The following TRPS1 variants were observed in gnomAD, a reference collection of about 807,000 sequenced individuals.
TRPS1 encodes zinc finger transcription factor Trps1.
In TRPS1, 6 loss-of-function variants were observed where a neutral mutation model predicts 101.2. That is an observed-to-expected ratio of 0.06 (90% CI 0.03 to 0.12). TRPS1 has a LOEUF of 0.12. Ranked by LOEUF, TRPS1 falls within the 10% of genes least tolerant of loss-of-function variation. The probability of loss-of-function intolerance (pLI) is 1.00; values close to 1 mark genes in which losing one functional copy is unlikely to be tolerated. For synonymous variants in TRPS1, 578 were observed against 589.8 expected (o/e 0.98, Z 0.29); for missense variants, 1,363 against 1,567.0 (o/e 0.87, Z 2.20).
chr8:115,508,957 T>C (rs912013691), intron 5 of TRPS1, among the ~76,000 whole-genome samples: 4 of 152,010 alleles, frequency 2.6e-5, no homozygotes, highest in African/African-American at 4.8e-5. Context: ...CTAAAATGTT[T>C]TGAATTGTGA....
intron 1 of TRPS1, among the ~76,000 whole-genome samples, chr8:115,626,410 A>G (rs74335301): frequency 0.011 from 1,740 of 151,932 alleles, 21 homozygotes; most frequent in Middle Eastern, 0.024. Context: ...AGAATCACTG[A>G]AGGAGTTTAG....
At chr8:115,441,853 T>A (rs1271564890) in intron 5 of TRPS1, among the ~76,000 whole-genome samples, 1 of 151,126 alleles carries the variant, frequency 6.6e-6, no homozygotes, top group Non-Finnish European at 1.5e-5. Context: ...ATGATAGGTC[T>A]CCCAATTGAG....
Position 115,418,249 on chromosome 8 carries a change from G to C in TRPS1, c.2823+81C>G. Reference sequence around the variant, plus strand: ...CTGCGGGGGCAGGCACTGCAAGCCAGGGAATGGGACTTATCACACCACAGA... The same window carrying C: ...CTGCGGGGGCAGGCACTGCAAGCCACGGAATGGGACTTATCACACCACAGA... On this transcript the variant is annotated intron_variant, in intron 6 of 6. Transcript: ENST00000395715. The surrounding 1 kb of genome is among the most constrained non-coding windows in gnomAD (Gnocchi z 4.3). 2 of 1,611,894 alleles carry C rather than the reference G, an allele frequency of 1.2e-6. No homozygotes were observed. Among genetic ancestry groups the C allele is most frequent in the Non-Finnish European group, 8.5e-7 (1 of 1,178,656 alleles).
At position 115,564,272 on chromosome 8, in the gene TRPS1, T is replaced by C. The variant is rs374206736; in HGVS notation, c.2700+22729A>G. Among the ~76,000 whole-genome samples, 34 of 152,284 alleles carry C rather than the reference T, an allele frequency of 2.2e-4. No homozygotes were observed. The East Asian group carries it at 3.3e-3, about 15-fold the overall frequency. On this transcript the variant is annotated intron_variant, in intron 5 of 6. Coordinates refer to ENST00000395715, the MANE Select transcript of TRPS1 (RefSeq NM_014112.5). The stretch of plus-strand genomic sequence containing the variant: ...TCAATTGTACACATTGGAAAAGATG[T>C]GCCGTAGCTTTCACAGGGTATTTTT...
chr8:115,469,914 A>G (rs1462702463), intron 5 of TRPS1, among the ~76,000 whole-genome samples: 1 of 152,214 alleles, frequency 6.6e-6, no homozygotes, highest in Non-Finnish European at 1.5e-5. Flanking sequence ...TGTCTGGAAA[A>G]GTAAATCTCT....
At chr8:115,458,237 CA>C (rs1449335984) in intron 5 of TRPS1, among the ~76,000 whole-genome samples, 4 of 151,984 alleles carry the variant, frequency 2.6e-5, no homozygotes, top group Admixed American at 2.6e-4. Context: ...ATGGTGTTCC[CA>C]AAATAGAGGC....
At chr8:115,419,287 A>G (rs997953532) in intron 5 of TRPS1, among the ~76,000 whole-genome samples, 3 of 152,082 alleles carry the variant, frequency 2.0e-5, no homozygotes, top group African/African-American at 7.2e-5. Flanking sequence ...TCAAGTAATG[A>G]TTCCATTAAA....
intron 5 of TRPS1, among the ~76,000 whole-genome samples, chr8:115,524,004 T>G (rs1435078983): frequency 6.6e-6 from 1 of 152,158 alleles, no homozygotes; most frequent in Non-Finnish European, 1.5e-5. Flanking sequence ...TTCACAACAA[T>G]TTTACAAACA....
intron 5 of TRPS1, among the ~76,000 whole-genome samples, chr8:115,470,682 T>C (rs1051751698): frequency 4.6e-5 from 7 of 152,142 alleles, no homozygotes; most frequent in African/African-American, 1.4e-4. Flanking sequence ...GTATATAATA[T>C]TTAAGAACAA....
chr8:115,590,065 C>T (rs1025897405), intron 4 of TRPS1, among the ~76,000 whole-genome samples: 7 of 152,112 alleles, frequency 4.6e-5, no homozygotes, highest in East Asian at 1.9e-4. Flanking sequence ...TGCAGTGAGC[C>T]GAGATCACGA....
chr8:115,496,922 T>G (rs1160079377), intron 5 of TRPS1, among the ~76,000 whole-genome samples: 1 of 152,198 alleles, frequency 6.6e-6, no homozygotes, highest in East Asian at 1.9e-4. Flanking sequence ...ACCCCAAGTT[T>G]TGCAGCTTAA....
At chr8:115,508,244 T>C (rs1276315286) in intron 5 of TRPS1, among the ~76,000 whole-genome samples, 2 of 152,054 alleles carry the variant, frequency 1.3e-5, no homozygotes, top group East Asian at 3.9e-4. Context: ...ATATCACAAA[T>C]ATAATGGAAT....
At chr8:115,544,901 T>C (rs1456997980) in intron 5 of TRPS1, among the ~76,000 whole-genome samples, 1 of 151,940 alleles carries the variant, frequency 6.6e-6, no homozygotes, top group Non-Finnish European at 1.5e-5. Context: ...AAGCAAGATA[T>C]AACTTTTTTT....
rs540606959 is a variant in TRPS1, at chr8:115,552,427, T to C, written c.2700+34574A>G. On this transcript the variant is annotated intron_variant, in intron 5 of 6. Coordinates refer to ENST00000395715, the MANE Select transcript of TRPS1 (RefSeq NM_014112.5). ...GATCTGTTGTTTACTCCTACCACTT[T>C]ATCCCTTCACATCATGAAAAAGCAA... Among the ~76,000 whole-genome samples the C allele has an allele frequency of 1.1e-4, 16 of 152,292 alleles. 1 individual carries two copies. The South Asian group carries it at 3.3e-3, about 32-fold the overall frequency.
intron 5 of TRPS1, among the ~76,000 whole-genome samples, chr8:115,507,996 C>T (rs1815489539): frequency 6.6e-6 from 1 of 151,916 alleles, no homozygotes. Flanking sequence ...GAAAAAAATG[C>T]TAACAACTTG....
At chr8:115,527,713 C>A (rs1237657434) in intron 5 of TRPS1, among the ~76,000 whole-genome samples, 1 of 151,938 alleles carries the variant, frequency 6.6e-6, no homozygotes, top group East Asian at 1.9e-4. Context: ...TAAAAAAGTA[C>A]AGTTAATAGA....
chr8:115,628,202 G>A (rs902962457), intron 1 of TRPS1, among the ~76,000 whole-genome samples: 3 of 151,762 alleles, frequency 2.0e-5, no homozygotes, highest in Non-Finnish European at 4.4e-5. Context: ...CTCTACCACA[G>A]GGAGCAGTTT....
chr8:115,619,166 C>A lies in TRPS1; in HGVS notation c.932G>T (p.Arg311Met). Residue 311 changes from arginine (R) to methionine (M), a missense_variant, in exon 3 of 7, where the codon AGG becomes ATG. Transcript: ENST00000395715. ...ATAGGTCCCATTTAGTAAAACAGGC[C>A]TTGAAGAATTGATGTCCTGCAGCAC... ...SGVLQDINSS[R>M]PVLLNGTYDV... 5 of 1,614,096 alleles carry A rather than the reference C, an allele frequency of 3.1e-6. No individual in the cohort carries two copies. The highest frequency in any genetic ancestry group is 4.2e-6 in the Non-Finnish European group (5 of 1,180,012).
intron 5 of TRPS1, among the ~76,000 whole-genome samples, chr8:115,477,402 G>C (rs1814634116): frequency 6.6e-6 from 1 of 152,158 alleles, no homozygotes; most frequent in South Asian, 2.1e-4. Context: ...CTTCACAACT[G>C]GTAGAGGCTC....
Sources: gnomAD v4.1 joint callset for allele counts (sites outside exome capture counted in the v4.1 genomes callset) on GRCh38, gnomAD v4.1.1 for gene constraint, Gnocchi (gnomAD v3.1) non-coding constraint, MANE v1.5 for transcripts, NCBI Gene and HGNC (gene_info 2026-07-23, HGNC 2026-07-21) for gene names.